Variants in ATP11C observed in about 807,000 individuals in gnomAD.
The protein encoded by ATP11C is ATPase phospholipid transporting 11C (ATP11C blood group), also known as phospholipid-transporting ATPase IG.
Under a neutral mutation model 97.4 loss-of-function variants are expected in ATP11C, and 36 were observed. The observed-to-expected ratio is 0.37, with a 90% CI of 0.28 to 0.49. The LOEUF (loss-of-function observed/expected upper bound fraction) is 0.49, where lower values mean the gene tolerates loss of function less well. ATP11C is among the 20% of genes least tolerant of loss of function. The pLI, the probability that ATP11C is intolerant of heterozygous loss-of-function variation, is 0.98. For synonymous variants in ATP11C, 275 were observed against 290.9 expected, an observed-to-expected ratio of 0.95 and a Z score of 0.56; for missense variants, 730 against 824.6, an observed-to-expected ratio of 0.89 and a Z score of 1.40.
At chrX:139,775,009 A>G (rs2082322872) in intron 18 of ATP11C, 56 bp from the exon 19 acceptor site, 1 of 1,102,467 alleles carries the variant, frequency 9.1e-7, no homozygotes, top group East Asian at 3.0e-5. Context: ...AAGATTCTAC[A>G]GGAAGGCTTA....
At chrX:139,780,702 A>T (rs2082437346) in intron 18 of ATP11C, among the ~76,000 whole-genome samples, 2 of 111,919 alleles carry the variant, frequency 1.8e-5, no homozygotes, top group African/African-American at 6.5e-5. Flanking sequence ...TGGAAGTCCT[A>T]GCCAGAGCAA....
intron 1 of ATP11C, among the ~76,000 whole-genome samples, chrX:139,901,399 A>G (rs146159924): frequency 3.6e-5 from 4 of 111,832 alleles, no homozygotes; most frequent in African/African-American, 1.3e-4. Flanking sequence ...GAATCTAGAC[A>G]TGTTCCTTTT....
At chrX:139,735,740 A>G (rs2081429190) in intron 28 of ATP11C, among the ~76,000 whole-genome samples, 1 of 109,696 alleles carries the variant, frequency 9.1e-6, no homozygotes, top group Admixed American at 9.8e-5. Flanking sequence ...ATGCATTCAT[A>G]TTGCACTACT....
chrX:139,888,998 G>T (rs1301363656), intron 1 of ATP11C, among the ~76,000 whole-genome samples: 1 of 110,954 alleles, frequency 9.0e-6, no homozygotes, highest in Non-Finnish European at 1.9e-5. Context: ...AGTAGAGATG[G>T]GGTTTCACCA....
chrX:139,785,610 C>T (rs2082555499), intron 15 of ATP11C, among the ~76,000 whole-genome samples: 1 of 111,581 alleles, frequency 9.0e-6, no homozygotes, highest in Non-Finnish European at 1.9e-5. Context: ...GAAACAGTCC[C>T]ACTCTGCCAA....
At chrX:139,819,739 A>C (rs1044463025) in intron 2 of ATP11C, among the ~76,000 whole-genome samples, 8 of 112,537 alleles carry the variant, frequency 7.1e-5, no homozygotes, top group Non-Finnish European at 1.3e-4. Context: ...TACTTACTTG[A>C]TAACACTTAT....
rs767340426 is a variant in ATP11C at position 139,728,876 on chromosome X, AGTT to A, written c.*87_*89del. 8 of 1,167,595 alleles carry A rather than the reference AGTT, an allele frequency of 6.9e-6. No homozygotes were observed. In the East Asian group the frequency reaches 2.4e-4, roughly 35 times the overall value. ...GTATCCTGAGATGATAACTTTTTGT[AGTT>A]GTTTCTTCATGCTTTCTTTTTTAGC... On this transcript the variant is annotated 3_prime_UTR_variant, in exon 30 of 30. Coordinates refer to ENST00000682941, the MANE Select transcript of ATP11C (RefSeq NM_001353812.2).
rs776753802 is a variant in ATP11C, at chrX:139,782,670, C to A, written c.1829G>T (p.Arg610Ile). 2.5e-5 allele frequency: 30 copies of A among 1,203,724 alleles called. No homozygotes were observed. Among genetic ancestry groups the A allele is most frequent in the Non-Finnish European group, 3.1e-5 (28 of 891,639 alleles). Residue 610 changes from arginine (R) to isoleucine (I), a missense_variant, in exon 18 of 30, where the codon AGA (arginine) becomes ATA (isoleucine). Coordinates refer to ENST00000682941, the MANE Select transcript of ATP11C (RefSeq NM_001353812.2). Reference protein sequence around the residue: ...FKEIAPDDYERINRQLIEAKM... With the variant: ...FKEIAPDDYEIINRQLIEAKM... The stretch of plus-strand genomic sequence containing the variant: ...TGCCTCTATGAGCTGTCTGTTAATT[C>A]TTTCATAATCATCTGGAGCAATTTC...
chrX:139,732,936 T>C (rs770702566), intron 28 of ATP11C, among the ~76,000 whole-genome samples: 9 of 111,656 alleles, frequency 8.1e-5, no homozygotes, highest in Non-Finnish European at 1.3e-4. Flanking sequence ...CACCAATCTA[T>C]CTTGAAGTAA....
intron 1 of ATP11C, among the ~76,000 whole-genome samples, chrX:139,880,146 A>G (rs1473293835): frequency 9.0e-6 from 1 of 111,487 alleles, no homozygotes; most frequent in Non-Finnish European, 1.9e-5. Context: ...ATGAGGAAAG[A>G]AGTTATTACC....
chrX:139,883,543 G>A (rs2084593158), intron 1 of ATP11C, among the ~76,000 whole-genome samples: 1 of 110,847 alleles, frequency 9.0e-6, no homozygotes, highest in Non-Finnish European at 1.9e-5. Context: ...CAAGCTCAAG[G>A]CCCAGAGGTC....
intron 23 of ATP11C, among the ~76,000 whole-genome samples, chrX:139,751,842 T>C (rs1373197202): frequency 2.7e-5 from 3 of 109,903 alleles, no homozygotes; most frequent in Admixed American, 9.7e-5. Context: ...GGAAGCTTTT[T>C]GTGTAAAGAA....
chrX:139,739,899 A>G (rs973014902), intron 27 of ATP11C, among the ~76,000 whole-genome samples: 3 of 111,807 alleles, frequency 2.7e-5, no homozygotes, highest in Admixed American at 9.5e-5. Context: ...ATTGCTCTCA[A>G]TTACCTATAG....
intron 1 of ATP11C, 40 bp from the exon 2 acceptor site, chrX:139,826,863 C>A: frequency 8.5e-7 from 1 of 1,171,447 alleles, no homozygotes. Context: ...TTTTTCATCA[C>A]ATTTGTCCAC....
intron 1 of ATP11C, among the ~76,000 whole-genome samples, chrX:139,920,855 A>G (rs1288093218): frequency 2.7e-5 from 3 of 111,912 alleles, no homozygotes; most frequent in Non-Finnish European, 5.6e-5. Context: ...GGATAATAAA[A>G]TAATCAATTG....
chrX:139,739,295 T>G (rs1028413344), intron 27 of ATP11C, among the ~76,000 whole-genome samples: 10 of 110,439 alleles, frequency 9.1e-5, no homozygotes, highest in Non-Finnish European at 1.7e-4. Context: ...TTTTTTGTTT[T>G]TTTTTTTTAA....
intron 29 of ATP11C, among the ~76,000 whole-genome samples, chrX:139,730,249 C>G (rs774069749): frequency 6.3e-5 from 7 of 111,532 alleles, no homozygotes; most frequent in African/African-American, 2.3e-4. Flanking sequence ...TTCTATCCAG[C>G]CCAGTCCCCC....
rs139318512 is a variant in ATP11C at position 139,924,112 on chromosome X, C to G, written c.27+7904G>C. On this transcript the variant is annotated intron_variant, in intron 1 of 29. Transcript: ENST00000682941. ...ATGAATGGGAGCAGTAACAAAAGTC[C>G]AAAAGTCAGGAAAAATGAAAATCCA... The G allele has an allele frequency of 7.5e-3, 2,858 of 379,309 alleles. 18 individuals carry two copies. The highest frequency in any genetic ancestry group is 0.011 in the Non-Finnish European group (2,091 of 187,970). 31.3% of individuals were successfully genotyped at this position (379,309 alleles called of 1,213,427 possible). A position where few individuals can be genotyped will look rare whatever the true frequency, so the allele number is the denominator to read the frequency against.
At chrX:139,840,756 T>C (rs1399726644) in intron 1 of ATP11C, among the ~76,000 whole-genome samples, 1 of 111,460 alleles carries the variant, frequency 9.0e-6, no homozygotes, top group Non-Finnish European at 1.9e-5. Context: ...TCTCACTTAA[T>C]AATCATAAAC....
Sources: gnomAD v4.1 joint callset for allele counts (sites outside exome capture counted in the v4.1 genomes callset) on GRCh38, gnomAD v4.1.1 for gene constraint, MANE v1.5 for transcripts, NCBI Gene and HGNC (gene_info 2026-07-23, HGNC 2026-07-21) for gene names.